Variants in TRPV2 observed in about 807,000 individuals in gnomAD.
TRPV2 encodes OTRPC2.
Under a neutral mutation model 91.0 loss-of-function variants are expected in TRPV2, and 58 were observed. The ratio of observed to expected loss-of-function variants is 0.64; its 90% confidence interval spans 0.52 to 0.79. TRPV2 has a LOEUF of 0.79. TRPV2 is among the 30% of genes least tolerant of loss of function. The probability of loss-of-function intolerance (pLI) is 0.00; values close to 1 mark genes in which losing one functional copy is unlikely to be tolerated. For synonymous variants in TRPV2, 417 were observed against 414.8 expected (o/e 1.01, Z -0.06); for missense variants, 807 against 969.6 (o/e 0.83, Z 2.23).
At chr17:16,417,952 C>A in intron 2 of TRPV2, 84 bp downstream of exon 2, 1 of 1,321,758 alleles carries the variant, frequency 7.6e-7, no homozygotes, top group Non-Finnish European at 1.0e-6. Flanking sequence ...ATTGACTAGT[C>A]CAGCACCAGT....
At chr17:16,431,733 G>A (rs369484604) in intron 10 of TRPV2, 51 bp from the exon 11 acceptor site, 15 of 1,582,908 alleles carry the variant, frequency 9.5e-6, no homozygotes, top group African/African-American at 5.4e-5. Flanking sequence ...TTCTGGGGTC[G>A]TGACTGGTGG....
Position 16,426,365 on chromosome 17 carries a change from A to G in TRPV2, c.1095+96A>G. 4 of 1,445,912 alleles carry G rather than the reference A, an allele frequency of 2.8e-6. No individual in the cohort carries two copies. Among genetic ancestry groups the G allele is most frequent in the Non-Finnish European group, 1.9e-6 (2 of 1,068,674 alleles). 89.6% of individuals were successfully genotyped at this position (1,445,912 alleles called of 1,614,324 possible). On this transcript the variant is annotated intron_variant, in intron 6 of 14. Transcript: ENST00000338560. The surrounding 1 kb of genome is among the most constrained non-coding windows in gnomAD (Gnocchi z 6.0). ...CTGCCTGCTGGACCATATCTGCCCC[A>G]TTCCTGTGCCAGTGGGGGTGTGGCT...
intron 13 of TRPV2, 62 bp from the exon 14 acceptor site, chr17:16,434,828 T>C (rs1269709042): frequency 6.6e-7 from 1 of 1,526,342 alleles, no homozygotes; most frequent in Non-Finnish European, 9.0e-7. Flanking sequence ...CACGCCCCTC[T>C]CCGGGGTGGG....
intron 4 of TRPV2, 101 bp downstream of exon 4, chr17:16,422,990 T>G: frequency 7.2e-7 from 1 of 1,386,324 alleles, no homozygotes. Context: ...TAAACCTAGG[T>G]TTTTCTGACC....
Position 16,420,187 on chromosome 17 carries a change from G to C in TRPV2, c.273G>C (p.Leu91=). Residue 91 remains leucine (L), a synonymous_variant, in exon 3 of 15, where the codon CTG becomes CTC. Transcript: ENST00000338560. ...TCTCCCGGGGTGTCCCCGAGGATCT[G>C]GCTGGACTTCCAGAGTACCTGAGCA... ...NAVSRGVPED[L]AGLPEYLSKT... 1 of 1,614,118 alleles carries C rather than the reference G, an allele frequency of 6.2e-7. No individual in the cohort carries two copies. The highest frequency in any genetic ancestry group is 8.5e-7 in the Non-Finnish European group (1 of 1,179,988).
At chr17:16,420,645 T>C (rs1461476287) in intron 3 of TRPV2, among the ~76,000 whole-genome samples, 2 of 152,252 alleles carry the variant, frequency 1.3e-5, no homozygotes, top group Admixed American at 1.3e-4. Context: ...TTGTTTGGGC[T>C]GATCAGAAAA....
chr17:16,431,489 C>T (rs2093412382), intron 10 of TRPV2, among the ~76,000 whole-genome samples: 4 of 151,320 alleles, frequency 2.6e-5, no homozygotes, highest in South Asian at 2.1e-4. Context: ...AGTAGAAACG[C>T]GGTTTCACCA....
intron 2 of TRPV2, chr17:16,419,482 A>G (rs530556117): frequency 6.4e-6 from 3 of 465,250 alleles, no homozygotes; most frequent in African/African-American, 6.0e-5. Flanking sequence ...TCAGGGTCTA[A>G]AGTTAAACAG....
intron 5 of TRPV2, among the ~76,000 whole-genome samples, chr17:16,425,890 C>T (rs964647608): frequency 6.6e-6 from 1 of 152,184 alleles, no homozygotes; most frequent in Non-Finnish European, 1.5e-5. Context: ...GCCAGGCTGG[C>T]TGGCAGGCTG....
chr17:16,426,841 C>T lies in TRPV2; in HGVS notation c.1215C>T (p.Phe405=), dbSNP rs1431941145. ...GTAATCTGATCTACATGTTCATCTT[C>T]ACCGCTGTTGCCTACCATCAGCCTA... ...FLCNLIYMFI[F]TAVAYHQPTL... Residue 405 remains phenylalanine, a synonymous_variant, in exon 7 of 15, where the codon TTC becomes TTT. Transcript: ENST00000338560. This position sits in a 1 kb window ranked among gnomAD's most constrained non-coding sequence, Gnocchi z 6.0. 6.2e-7 allele frequency: 1 copy of T among 1,613,824 alleles called. No individual in the cohort carries two copies. Among genetic ancestry groups the T allele is most frequent in the Non-Finnish European group, 8.5e-7 (1 of 1,179,922 alleles).
At chr17:16,432,452 TTTTC>T in intron 12 of TRPV2, 152 bp downstream of exon 12, 1 of 707,418 alleles carries the variant, frequency 1.4e-6, no homozygotes, top group Non-Finnish European at 2.3e-6. Flanking sequence ...TTTTTTTTTT[TTTTC>T]TGGAGACAAG....
chr17:16,434,377 A>G (rs1237727264), intron 13 of TRPV2, among the ~76,000 whole-genome samples: 1 of 151,148 alleles, frequency 6.6e-6, no homozygotes, highest in African/African-American at 2.4e-5. Context: ...CCGACGCAGG[A>G]GAATGGCATG....
At position 16,422,118 on chromosome 17, in the gene TRPV2, C is replaced by A. The variant is rs536462257; in HGVS notation, c.335-481C>A. ...AGGAGATCGAGACCATCCTGGCTAA[C>A]ACGGTAAAACCCGTCTCTGCTGAAA... On this transcript the variant is annotated intron_variant, in intron 3 of 14. Transcript: ENST00000338560. Among the ~76,000 whole-genome samples, 3 of 151,760 alleles carry A rather than the reference C, an allele frequency of 2.0e-5. No homozygotes were observed. In the East Asian group the frequency reaches 5.9e-4, roughly 30 times the overall value.
intron 4 of TRPV2, 137 bp downstream of exon 4, chr17:16,423,026 G>C: frequency 1.8e-6 from 2 of 1,100,012 alleles, no homozygotes; most frequent in Non-Finnish European, 2.5e-6. Context: ...TAACCACTAG[G>C]CTGCCTGCAA....
intron 5 of TRPV2, among the ~76,000 whole-genome samples, chr17:16,424,157 T>C (rs1181243866): frequency 8.8e-6 from 1 of 113,832 alleles, no homozygotes; most frequent in African/African-American, 3.3e-5. Context: ...ACCCAGCTAA[T>C]TTTGTTTTTT....
Position 16,428,340 on chromosome 17 carries a change from C to T in TRPV2, c.1374C>T (p.His458=), listed in dbSNP as rs1303219440. The change falls in exon 9 of 15, where the codon CAC becomes CAT. Residue 458 remains histidine (H), a synonymous_variant. Coordinates refer to ENST00000338560, the MANE Select transcript of TRPV2 (RefSeq NM_016113.5). The part of the protein sequence containing the change: ...VGQLWYFWRR[H]VFIWISFIDS... Reference sequence around the variant, plus strand: ...AGCTGTGGTACTTCTGGCGGCGCCACGTGTTCATCTGGATCTCGTTCATAG... The same window carrying T: ...AGCTGTGGTACTTCTGGCGGCGCCATGTGTTCATCTGGATCTCGTTCATAG... The T allele has an allele frequency of 3.1e-6, 5 of 1,614,220 alleles. No individual in the cohort carries two copies. Among genetic ancestry groups the T allele is most frequent in the Non-Finnish European group, 2.5e-6 (3 of 1,180,028 alleles).
At position 16,422,556 on chromosome 17, in the gene TRPV2, G is replaced by T. The variant is rs1347823393; in HGVS notation, c.335-43G>T. On this transcript the variant is annotated intron_variant, in intron 3 of 14. Coordinates refer to ENST00000338560, the MANE Select transcript of TRPV2 (RefSeq NM_016113.5). ...CTATCGGGCAGCCCAGCCACTCCAGGTCTCAGCACCACTGTGCCCCTTCCC... is the reference window on the plus strand; with the variant it reads ...CTATCGGGCAGCCCAGCCACTCCAGTTCTCAGCACCACTGTGCCCCTTCCC... 3.2e-6 allele frequency: 5 copies of T among 1,586,766 alleles called. 1 individual carries two copies. The South Asian group carries it at 4.6e-5, about 15-fold the overall frequency.
rs1056185493 is a variant in TRPV2, at chr17:16,428,405, C to T, written c.1421+18C>T. ...ATCCTCTTGTACGTGGGTTCTCACT[C>T]CTCCTTCTCTCAACTGTCTCTGAGG... On this transcript the variant is annotated intron_variant, in intron 9 of 14. Transcript: ENST00000338560. 3.7e-6 allele frequency: 6 copies of T among 1,612,830 alleles called. No homozygotes were observed. Among genetic ancestry groups the T allele is most frequent in the South Asian group, 2.2e-5 (2 of 91,066 alleles).
In TRPV2 at chr17:16,426,066, C is replaced by T. The variant is rs757058435; in HGVS notation, c.925-33C>T. ...GCCCAGGATCAGTGCCAGGAAGGGACCATGAATGCAAGCTCATATGGCCAC... is the reference window on the plus strand; with the variant it reads ...GCCCAGGATCAGTGCCAGGAAGGGATCATGAATGCAAGCTCATATGGCCAC... On this transcript the variant is annotated intron_variant, in intron 5 of 14. Coordinates refer to ENST00000338560, the MANE Select transcript of TRPV2 (RefSeq NM_016113.5). This position sits in a 1 kb window ranked among gnomAD's most constrained non-coding sequence, Gnocchi z 6.0. The T allele has an allele frequency of 6.2e-7, 1 of 1,612,332 alleles. No individual in the cohort carries two copies. Among genetic ancestry groups the T allele is most frequent in the Non-Finnish European group, 8.5e-7 (1 of 1,178,732 alleles).
Sources: allele counts gnomAD v4.1 joint callset (sites outside exome capture counted in the v4.1 genomes callset), GRCh38; gene constraint gnomAD v4.1.1; non-coding constraint Gnocchi (gnomAD v3.1); transcripts MANE v1.5; gene names NCBI Gene and HGNC (gene_info 2026-07-23, HGNC 2026-07-21).